NFIB: variants seen among roughly 807,000 people sequenced by gnomAD.
NFIB encodes nuclear factor I B.
In NFIB, 11 loss-of-function variants were observed where a neutral mutation model predicts 61.5. The ratio of observed to expected loss-of-function variants is 0.18; its 90% CI spans 0.11 to 0.30. The LOEUF is 0.30. NFIB is among the 10% of genes least tolerant of loss of function. The probability of loss-of-function intolerance (pLI) is 1.00; values close to 1 mark genes in which losing one functional copy is unlikely to be tolerated. For missense variants in NFIB, 471 were observed against 608.9 expected, an observed-to-expected ratio of 0.77 and a Z score of 2.38; for synonymous variants, 260 against 216.5, an observed-to-expected ratio of 1.20 and a Z score of -1.76.
intron 2 of NFIB, among the ~76,000 whole-genome samples, chr9:14,263,090 T>A (rs2056916889): frequency 1.3e-5 from 2 of 152,200 alleles, no homozygotes; most frequent in Non-Finnish European, 2.9e-5. Flanking sequence ...TGTTTAAACA[T>A]CTGGCTCACT....
chr9:14,498,732 G>A, the NFIB span, among the ~76,000 whole-genome samples: 1 of 149,052 alleles, frequency 6.7e-6, no homozygotes, highest in South Asian at 2.1e-4. Context: ...TCTAAGAACT[G>A]TCTGCAGCCA....
chr9:14,411,606 G>A, the NFIB span, among the ~76,000 whole-genome samples: 2 of 152,168 alleles, frequency 1.3e-5, no homozygotes, highest in Non-Finnish European at 2.9e-5. Flanking sequence ...AAATCTTCAT[G>A]AGCCACGGAA....
rs1256906457 is a variant in NFIB, at chr9:14,113,146, T to C, written c.1385-65A>G. The C allele has an allele frequency of 4.0e-5, 56 of 1,415,118 alleles. No homozygotes were observed. In the Middle Eastern group the frequency reaches 5.4e-4, roughly 14 times the overall value. 87.7% of individuals were successfully genotyped at this position (1,415,118 alleles called of 1,614,324 possible). On this transcript the variant is annotated intron_variant, in intron 9 of 10. Transcript: ENST00000380953. The stretch of plus-strand genomic sequence containing the variant: ...ACTATCAGAACGAACACCCTGTCCA[T>C]GTATAAGAAACCCAGAGAAGTGGGA...
intron 3 of NFIB, among the ~76,000 whole-genome samples, chr9:14,177,161 G>C (rs538246765): frequency 6.6e-6 from 1 of 152,112 alleles, no homozygotes; most frequent in Admixed American, 6.6e-5. Flanking sequence ...TACATGGATC[G>C]TGCCTTCTCA....
chr9:14,393,601 G>C (rs1330921713), intron 1 of NFIB, among the ~76,000 whole-genome samples: 1 of 152,080 alleles, frequency 6.6e-6, no homozygotes, highest in Non-Finnish European at 1.5e-5. Context: ...AGGACTCCCA[G>C]TAAACATTTA....
At chr9:14,473,783 C>T in the NFIB span, among the ~76,000 whole-genome samples, 61 of 152,310 alleles carry the variant, frequency 4.0e-4, 1 homozygote, top group East Asian at 0.011. Flanking sequence ...TTTAGGCCCG[C>T]ATGATTTTTT....
intron 9 of NFIB, among the ~76,000 whole-genome samples, chr9:14,115,591 CA>C (rs201905084): frequency 0.095 from 14,457 of 151,884 alleles, 2,227 homozygotes; most frequent in African/African-American, 0.32. Context: ...TTTGATGTAC[CA>C]ATGATAAGCA....
At chr9:14,392,492 C>T (rs2133035538) in intron 1 of NFIB, among the ~76,000 whole-genome samples, 1 of 152,282 alleles carries the variant, frequency 6.6e-6, no homozygotes, top group Middle Eastern at 3.4e-3. Flanking sequence ...CTTTGGGAGG[C>T]CAAGGCTGAT....
intron 2 of NFIB, among the ~76,000 whole-genome samples, chr9:14,284,586 A>G (rs766696905): frequency 3.3e-5 from 5 of 152,198 alleles, no homozygotes; most frequent in Non-Finnish European, 7.4e-5. Flanking sequence ...GATGCAACCA[A>G]AAAACTTATG....
At chr9:14,332,849 G>C (rs2060838860) in intron 1 of NFIB, among the ~76,000 whole-genome samples, 1 of 152,204 alleles carries the variant, frequency 6.6e-6, no homozygotes, top group Non-Finnish European at 1.5e-5. Flanking sequence ...CAGAAACATA[G>C]AGCTTGTGTG....
chr9:14,495,394 C>T, the NFIB span, among the ~76,000 whole-genome samples: 1 of 150,566 alleles, frequency 6.6e-6, no homozygotes, highest in Admixed American at 6.7e-5. Flanking sequence ...AGAGCTACTC[C>T]GTGCTTTTGC....
chr9:14,239,507 T>C (rs1194741903), intron 2 of NFIB, among the ~76,000 whole-genome samples: 1 of 152,144 alleles, frequency 6.6e-6, no homozygotes, highest in African/African-American at 2.4e-5. Flanking sequence ...TTGTGTATGA[T>C]CTAATACTAC....
chr9:14,171,483 T>G (rs1380623547), intron 3 of NFIB, among the ~76,000 whole-genome samples: 2 of 152,150 alleles, frequency 1.3e-5, no homozygotes, highest in African/African-American at 4.8e-5. Flanking sequence ...TTCCTCAATT[T>G]CAGGCAAGAA....
chr9:14,260,554 C>T (rs919234372), intron 2 of NFIB, among the ~76,000 whole-genome samples: 1 of 152,168 alleles, frequency 6.6e-6, no homozygotes, highest in Non-Finnish European at 1.5e-5. Flanking sequence ...AGGAACTTTT[C>T]CCTCCTCTAC....
intron 1 of NFIB, among the ~76,000 whole-genome samples, chr9:14,355,978 A>G (rs1249894399): frequency 6.6e-6 from 1 of 152,152 alleles, no homozygotes; most frequent in South Asian, 2.1e-4. Context: ...CAAATAAAAA[A>G]AAAAAAAAAA....
chr9:14,368,756 C>T (rs1242414828), intron 1 of NFIB, among the ~76,000 whole-genome samples: 1 of 152,152 alleles, frequency 6.6e-6, no homozygotes, highest in African/African-American at 2.4e-5. Context: ...TATTTTGGTG[C>T]TTTCAGAGAG....
At chr9:14,151,717 T>C (rs1192230989) in intron 4 of NFIB, among the ~76,000 whole-genome samples, 1 of 152,112 alleles carries the variant, frequency 6.6e-6, no homozygotes, top group Non-Finnish European at 1.5e-5. Flanking sequence ...ATGTGCAAAG[T>C]GGAGACCAGG....
At chr9:14,374,730 T>A (rs1272719971) in intron 1 of NFIB, among the ~76,000 whole-genome samples, 1 of 152,062 alleles carries the variant, frequency 6.6e-6, no homozygotes, top group Non-Finnish European at 1.5e-5. Flanking sequence ...GCCAACATGG[T>A]GAAACCCTGT....
At chr9:14,157,308 T>A (rs746401384) in intron 3 of NFIB, among the ~76,000 whole-genome samples, 1 of 152,162 alleles carries the variant, frequency 6.6e-6, no homozygotes, top group Non-Finnish European at 1.5e-5. Flanking sequence ...ACACTGCTTT[T>A]CAACCATACA....
Sources: allele counts gnomAD v4.1 joint callset (sites outside exome capture counted in the v4.1 genomes callset), GRCh38; gene constraint gnomAD v4.1.1; transcripts MANE v1.5; gene names NCBI Gene and HGNC (gene_info 2026-07-23, HGNC 2026-07-21).